Variants in DIS3L2 observed in about 807,000 individuals in gnomAD.
DIS3L2 encodes DIS3-like exonuclease 2.
DIS3L2 carries 34 observed loss-of-function variants against 97.5 expected under a neutral mutation model. The observed-to-expected ratio is 0.35, with a 90% CI of 0.27 to 0.46. The LOEUF is 0.46. DIS3L2 is among the 20% of genes least tolerant of loss of function. DIS3L2 has a pLI of 1.00. For synonymous variants in DIS3L2, 435 were observed against 445.2 expected (o/e 0.98, Z 0.29); for missense variants, 1,038 against 1,146.0 (o/e 0.91, Z 1.36).
chr2:232,040,596 C>T (rs1695083008), intron 5 of DIS3L2, among the ~76,000 whole-genome samples: 1 of 152,118 alleles, frequency 6.6e-6, no homozygotes. Flanking sequence ...TTTTCCTTCT[C>T]TTAATACCCC....
chr2:232,079,419 A>G (rs1384628658), intron 5 of DIS3L2, among the ~76,000 whole-genome samples: 2 of 151,592 alleles, frequency 1.3e-5, no homozygotes, highest in Non-Finnish European at 2.9e-5. Context: ...ACATGGTGAA[A>G]CCCCGTCTCT....
At chr2:232,328,323 C>T (rs1695633360) in intron 14 of DIS3L2, among the ~76,000 whole-genome samples, 1 of 152,220 alleles carries the variant, frequency 6.6e-6, no homozygotes, top group Non-Finnish European at 1.5e-5. Context: ...GCTGGCTTCC[C>T]TCCTCTCCAG....
intron 14 of DIS3L2, among the ~76,000 whole-genome samples, chr2:232,324,031 A>G (rs934961691): frequency 1.2e-4 from 19 of 152,142 alleles, no homozygotes; most frequent in South Asian, 4.2e-4. Flanking sequence ...CCTGCCTCCC[A>G]GGGCTCTGCG....
chr2:232,189,938 G>A lies in DIS3L2; in HGVS notation c.1125-20388G>A, dbSNP rs567030949. On this transcript the variant is annotated intron_variant, in intron 9 of 20. Coordinates refer to ENST00000325385, the MANE Select transcript of DIS3L2 (RefSeq NM_152383.5). ...GAACCAGATTAATAAAGATGGGAAA[G>A]TAATATAATGTGAGGCACTTGGAAA... Among the ~76,000 whole-genome samples, 10 of 152,334 alleles carry A rather than the reference G, an allele frequency of 6.6e-5. No homozygotes were observed. The South Asian group carries it at 1.2e-3, about 19-fold the overall frequency.
intron 9 of DIS3L2, among the ~76,000 whole-genome samples, chr2:232,189,510 G>T (rs910823927): frequency 5.1e-4 from 78 of 152,180 alleles, no homozygotes; most frequent in African/African-American, 1.8e-3. Context: ...TAAAAAGTCA[G>T]CTGAGTTTAA....
chr2:231,967,687 A>G (rs1476771749), intron 1 of DIS3L2, among the ~76,000 whole-genome samples: 1 of 152,200 alleles, frequency 6.6e-6, no homozygotes, highest in Non-Finnish European at 1.5e-5. Flanking sequence ...TTTTTTGTTG[A>G]AATAATGCAT....
chr2:232,061,628 G>T (rs926442985), intron 5 of DIS3L2, among the ~76,000 whole-genome samples: 2 of 152,080 alleles, frequency 1.3e-5, no homozygotes, highest in Non-Finnish European at 2.9e-5. Context: ...AATTTTATAT[G>T]TGGCAGCCAG....
At chr2:232,323,223 G>A (rs960326295) in intron 14 of DIS3L2, among the ~76,000 whole-genome samples, 4 of 152,234 alleles carry the variant, frequency 2.6e-5, no homozygotes, top group East Asian at 1.9e-4. Context: ...TGGGGGCAGG[G>A]CCGCTGCCAG....
At position 232,163,675 on chromosome 2, in the gene DIS3L2, G is replaced by A. The variant is rs1437159975; in HGVS notation, c.1124+43G>A. 1.9e-6 allele frequency: 3 copies of A among 1,585,052 alleles called. No individual in the cohort carries two copies. The Admixed American group carries it at 5.3e-5, about 28-fold the overall frequency. On this transcript the variant is annotated intron_variant, in intron 9 of 20. Coordinates refer to ENST00000325385, the MANE Select transcript of DIS3L2 (RefSeq NM_152383.5). ...TTTAAGAACGTATATCTCCCTTTCT[G>A]CCTTAACTTTCCTAGGGGCTAGGCT...
At chr2:232,283,150 G>C (rs1410718174) in intron 13 of DIS3L2, among the ~76,000 whole-genome samples, 1 of 152,130 alleles carries the variant, frequency 6.6e-6, no homozygotes, top group South Asian at 2.1e-4. Flanking sequence ...TCACACATTC[G>C]ATCATTTAAT....
intron 1 of DIS3L2, among the ~76,000 whole-genome samples, chr2:231,982,419 T>A (rs1246243351): frequency 6.6e-6 from 1 of 152,230 alleles, no homozygotes; most frequent in Non-Finnish European, 1.5e-5. Context: ...TATGATGTAT[T>A]ATATATTCAA....
intron 6 of DIS3L2, among the ~76,000 whole-genome samples, chr2:232,090,315 C>T (rs10206014): frequency 0.031 from 4,702 of 152,146 alleles, 236 homozygotes; most frequent in African/African-American, 0.11. Context: ...ATTCTTTTTG[C>T]ATCCTTCCTA....
intron 9 of DIS3L2, among the ~76,000 whole-genome samples, chr2:232,183,528 T>C (rs1691349504): frequency 6.6e-6 from 1 of 152,208 alleles, no homozygotes; most frequent in Admixed American, 6.5e-5. Flanking sequence ...TGTAAGACCC[T>C]TCTTAAGTCT....
At chr2:232,091,218 C>T (rs774314452) in intron 6 of DIS3L2, among the ~76,000 whole-genome samples, 10 of 152,178 alleles carry the variant, frequency 6.6e-5, no homozygotes, top group Non-Finnish European at 1.2e-4. Context: ...TAAAAATGTT[C>T]AGCTGTTGTG....
chr2:232,245,479 C>G (rs1169548512), intron 11 of DIS3L2, among the ~76,000 whole-genome samples: 2 of 152,220 alleles, frequency 1.3e-5, no homozygotes, highest in Non-Finnish European at 2.9e-5. Flanking sequence ...CTGTGATGTG[C>G]CAAACCACAA....
rs771888025 is a variant in DIS3L2, at chr2:232,334,350, C to T, written c.2159-19C>T. 1.2e-6 allele frequency: 2 copies of T among 1,612,126 alleles called. No homozygotes were observed. The highest frequency in any genetic ancestry group is 1.7e-6 in the Non-Finnish European group (2 of 1,179,458). The stretch of plus-strand genomic sequence containing the variant: ...AGCCCCCCAGGCTCCCACTCTCATG[C>T]CTCACCCCCTCTTCCCAGGCTATAG... On this transcript the variant is annotated intron_variant, in intron 17 of 20. Transcript: ENST00000325385.
At chr2:232,124,747 A>T (rs941889121) in intron 6 of DIS3L2, among the ~76,000 whole-genome samples, 15 of 152,252 alleles carry the variant, frequency 9.9e-5, no homozygotes, top group Admixed American at 1.3e-4. Flanking sequence ...TCTAATTTTT[A>T]AAAAAATATC....
intron 11 of DIS3L2, among the ~76,000 whole-genome samples, chr2:232,244,355 A>G (rs969274275): frequency 6.6e-6 from 1 of 151,924 alleles, no homozygotes; most frequent in Non-Finnish European, 1.5e-5. Context: ...GTTTTGAGGG[A>G]GGGGTGGTCG....
At chr2:232,340,669 C>T (rs770788559), downstream of DIS3L2, 5 of 468,610 alleles carry the variant, frequency 1.1e-5, no homozygotes, top group Non-Finnish European at 2.2e-5. Context: ...TCCATCCAAT[C>T]TCATTCCATG....
Sources: allele counts gnomAD v4.1 joint callset (sites outside exome capture counted in the v4.1 genomes callset), GRCh38; gene constraint gnomAD v4.1.1; transcripts MANE v1.5; gene names NCBI Gene and HGNC (gene_info 2026-07-23, HGNC 2026-07-21).